RAMP1: variants seen among roughly 807,000 people sequenced by gnomAD.
RAMP1 encodes receptor activity-modifying protein 1.
A neutral mutation model predicts 8.2 loss-of-function variants in RAMP1; 7 were observed. The ratio of observed to expected loss-of-function variants is 0.85; its 90% CI spans 0.49 to 1.60. The LOEUF (loss-of-function observed/expected upper bound fraction) is 1.60. Ranked by LOEUF, RAMP1 falls within the 40% of genes most tolerant of loss-of-function variation. The pLI is 0.00. For synonymous variants in RAMP1, 92 were observed against 84.7 expected (o/e 1.09, Z -0.47); for missense variants, 192 against 202.4 (o/e 0.95, Z 0.31).
intron 2 of RAMP1, among the ~76,000 whole-genome samples, chr2:237,909,695 C>T (rs2062690468): frequency 6.6e-6 from 1 of 152,144 alleles, no homozygotes; most frequent in Non-Finnish European, 1.5e-5. Context: ...TGGAAGATGA[C>T]ACAGAAAAGC....
chr2:237,880,915 A>G (rs2062362634), intron 2 of RAMP1, among the ~76,000 whole-genome samples: 1 of 152,168 alleles, frequency 6.6e-6, no homozygotes, highest in South Asian at 2.1e-4. Flanking sequence ...TCATAAAGCT[A>G]TAATCATCAC....
At chr2:237,884,454 A>C (rs2062407088) in intron 2 of RAMP1, among the ~76,000 whole-genome samples, 1 of 152,182 alleles carries the variant, frequency 6.6e-6, no homozygotes, top group Non-Finnish European at 1.5e-5. Context: ...CAGAGAAGAG[A>C]AGAATCTGGA....
chr2:237,906,527 A>G (rs1465507254), intron 2 of RAMP1, among the ~76,000 whole-genome samples: 2 of 152,066 alleles, frequency 1.3e-5, no homozygotes, highest in Non-Finnish European at 2.9e-5. Context: ...CACTTTCTAG[A>G]TTAAATATAA....
Position 237,862,032 on chromosome 2 carries a change from T to C in RAMP1, c.52+2305T>C, listed in dbSNP as rs2062138181. Among the ~76,000 whole-genome samples the C allele has an allele frequency of 6.6e-6, 1 of 152,144 alleles. No individual in the cohort carries two copies. The highest frequency in any genetic ancestry group is 1.5e-5 in the Non-Finnish European group (1 of 68,018). ...AGCCCCTGGTTTTTCGAGTCCATCT[T>C]CACTCAGGGAATGCTGGCTGGTGCT... On this transcript the variant is annotated intron_variant, in intron 1 of 2. Coordinates refer to ENST00000254661, the MANE Select transcript of RAMP1 (RefSeq NM_005855.4). This position sits in a 1 kb window ranked among gnomAD's most constrained non-coding sequence, Gnocchi z 4.0.
At chr2:237,872,614 G>A (rs1576536787) in intron 1 of RAMP1, among the ~76,000 whole-genome samples, 1 of 152,204 alleles carries the variant, frequency 6.6e-6, no homozygotes, top group African/African-American at 2.4e-5. Context: ...GTTCTGAGAT[G>A]AGCGTGCCAG....
At chr2:237,904,279 C>G (rs111799406) in intron 2 of RAMP1, among the ~76,000 whole-genome samples, 4 of 150,372 alleles carry the variant, frequency 2.7e-5, no homozygotes, top group African/African-American at 9.8e-5. Flanking sequence ...ATAGCCAGGG[C>G]GTGGTGGCGG....
chr2:237,866,231 T>C (rs1206131991), intron 1 of RAMP1, among the ~76,000 whole-genome samples: 1 of 152,170 alleles, frequency 6.6e-6, no homozygotes, highest in African/African-American at 2.4e-5. Context: ...CGGTGCTCTG[T>C]GGCCACTACC....
intron 1 of RAMP1, among the ~76,000 whole-genome samples, chr2:237,861,231 A>G (rs1331221666): frequency 6.6e-6 from 1 of 152,184 alleles, no homozygotes; most frequent in Non-Finnish European, 1.5e-5. Context: ...AAAACTATTC[A>G]TGTTCTGCCG....
At chr2:237,884,899 A>T (rs2062411391) in intron 2 of RAMP1, among the ~76,000 whole-genome samples, 1 of 152,222 alleles carries the variant, frequency 6.6e-6, no homozygotes. Context: ...AGCTGCTCAG[A>T]GGACGGGGCT....
intron 1 of RAMP1, among the ~76,000 whole-genome samples, chr2:237,876,953 C>T (rs1179869048): frequency 6.6e-6 from 1 of 152,166 alleles, no homozygotes; most frequent in African/African-American, 2.4e-5. Context: ...CTGGGGCAGC[C>T]CGATGGCATA....
At chr2:237,892,928 C>T (rs2062500944) in intron 2 of RAMP1, among the ~76,000 whole-genome samples, 1 of 152,188 alleles carries the variant, frequency 6.6e-6, no homozygotes, top group African/African-American at 2.4e-5. Flanking sequence ...ATAACCCTTG[C>T]TCTGATAGGG....
At chr2:237,873,377 C>T (rs1050367528) in intron 1 of RAMP1, among the ~76,000 whole-genome samples, 1 of 152,252 alleles carries the variant, frequency 6.6e-6, no homozygotes, top group Non-Finnish European at 1.5e-5. Context: ...AAAGCCCAAA[C>T]ACCTGATGAG....
intron 2 of RAMP1, among the ~76,000 whole-genome samples, chr2:237,896,603 A>G (rs1559950298): frequency 6.6e-6 from 1 of 152,212 alleles, no homozygotes; most frequent in Non-Finnish European, 1.5e-5. Flanking sequence ...TGATGTGAGA[A>G]GCACACTCAC....
In RAMP1 at chr2:237,911,804, G is replaced by A. The variant is rs762343595; in HGVS notation, c.*21G>A. 1.2e-5 allele frequency: 19 copies of A among 1,575,416 alleles called. No homozygotes were observed. Among genetic ancestry groups the A allele is most frequent in the African/African-American group, 5.4e-5 (4 of 74,048 alleles). ...TGTAGGCGGGGCCCAGGCTGCCCGCGGGTGCACCCAGGCTGCAGGGTGAGG... is the reference window on the plus strand; with the variant it reads ...TGTAGGCGGGGCCCAGGCTGCCCGCAGGTGCACCCAGGCTGCAGGGTGAGG... On this transcript the variant is annotated 3_prime_UTR_variant, in exon 3 of 3. Transcript: ENST00000254661.
At chr2:237,891,252 G>A (rs957474970) in intron 2 of RAMP1, among the ~76,000 whole-genome samples, 1 of 151,174 alleles carries the variant, frequency 6.6e-6, no homozygotes, top group Non-Finnish European at 1.5e-5. Flanking sequence ...CCGGGTTCAC[G>A]CCATTCTTCT....
intron 1 of RAMP1, among the ~76,000 whole-genome samples, chr2:237,872,156 T>C (rs1349852836): frequency 6.6e-6 from 1 of 152,174 alleles, no homozygotes; most frequent in Admixed American, 6.5e-5. Context: ...GGATCGAGCC[T>C]GCGCTTAGAT....
Position 237,877,964 on chromosome 2 carries a change from T to A in RAMP1, c.191+602T>A, listed in dbSNP as rs2062326830. The A allele has an allele frequency of 4.1e-6, 4 of 985,272 alleles. No individual in the cohort carries two copies. Among genetic ancestry groups the A allele is most frequent in the Non-Finnish European group, 4.8e-6 (4 of 829,906 alleles). The allele number at this position is 985,272 out of a possible 1,614,324, so 61.0% of individuals were successfully genotyped here. A position where few individuals can be genotyped will look rare whatever the true frequency, so the allele number is the denominator to read the frequency against. ...CAGCCTCCTGGGTGCTGGGCCCCCA[T>A]CAGCAGGCCGGGGGGTTCTCCCCAG... On this transcript the variant is annotated intron_variant, in intron 2 of 2. Coordinates refer to ENST00000254661, the MANE Select transcript of RAMP1 (RefSeq NM_005855.4). The surrounding 1 kb of genome is among the most constrained non-coding windows in gnomAD (Gnocchi z 4.4).
chr2:237,872,604 GT>G (rs1465925623), intron 1 of RAMP1, among the ~76,000 whole-genome samples: 1 of 152,194 alleles, frequency 6.6e-6, no homozygotes, highest in East Asian at 1.9e-4. Context: ...CCTCCTACGT[GT>G]TCTGAGATGA....
chr2:237,866,520 T>A (rs536863330), intron 1 of RAMP1, among the ~76,000 whole-genome samples: 6 of 152,100 alleles, frequency 3.9e-5, no homozygotes, highest in African/African-American at 1.4e-4. Context: ...AGCAGCTGCC[T>A]TCCTTTGCTG....
Sources: gnomAD v4.1 joint callset for allele counts (sites outside exome capture counted in the v4.1 genomes callset) on GRCh38, gnomAD v4.1.1 for gene constraint, Gnocchi (gnomAD v3.1) non-coding constraint, MANE v1.5 for transcripts, NCBI Gene and HGNC (gene_info 2026-07-23, HGNC 2026-07-21) for gene names.